CA10: variants seen among roughly 807,000 people sequenced by gnomAD.
The protein encoded by CA10 is carbonic anhydrase-related protein 10.
CA10 carries 14 observed loss-of-function variants against 44.2 expected under a neutral mutation model. The observed-to-expected ratio is 0.32, with a 90% confidence interval of 0.21 to 0.50. The LOEUF (loss-of-function observed/expected upper bound fraction) is 0.50, where lower values mean the gene tolerates loss of function less well. CA10 is among the 20% of genes least tolerant of loss of function. The pLI, the probability that CA10 is intolerant of heterozygous loss-of-function variation, is 0.99. For synonymous variants in CA10, 159 were observed against 141.6 expected, an observed-to-expected ratio of 1.12 and a Z score of -0.87; for missense variants, 350 against 409.7, an observed-to-expected ratio of 0.85 and a Z score of 1.26.
chr17:52,150,010 T>C (rs1303140941), intron 1 of CA10, among the ~76,000 whole-genome samples: 1 of 152,208 alleles, frequency 6.6e-6, no homozygotes, highest in Non-Finnish European at 1.5e-5. Context: ...TGAAATTATA[T>C]ACCTTAAATA....
chr17:51,833,076 G>C (rs1006022311), intron 3 of CA10, among the ~76,000 whole-genome samples: 1 of 152,190 alleles, frequency 6.6e-6, no homozygotes, highest in African/African-American at 2.4e-5. Flanking sequence ...TGAGAGGGGT[G>C]CTGAATTTAA....
rs71149387 is a variant in CA10 at position 51,961,188 on chromosome 17, AACACACACAC to A, written c.137-30066_137-30057del. 2.4e-3 allele frequency among the ~76,000 whole-genome samples: 353 copies of A among 145,102 alleles called. 2 individuals are homozygous for A. Among genetic ancestry groups the A allele is most frequent in the African/African-American group, 8.1e-3 (317 of 38,994 alleles). ...TACTCTCTCTCTGTATGTACACACA[AACACACACAC>A]ACACACACACACACACACACACACA... On this transcript the variant is annotated intron_variant, in intron 2 of 8. Coordinates refer to ENST00000451037, the MANE Select transcript of CA10 (RefSeq NM_020178.5).
chr17:51,667,106 A>C (rs944009514), intron 4 of CA10, among the ~76,000 whole-genome samples: 11 of 152,254 alleles, frequency 7.2e-5, no homozygotes, highest in African/African-American at 2.2e-4. Context: ...TTTGAAATGA[A>C]GCCAAATGCC....
intron 1 of CA10, among the ~76,000 whole-genome samples, chr17:52,109,239 A>T (rs998978136): frequency 6.6e-6 from 1 of 152,178 alleles, no homozygotes; most frequent in African/African-American, 2.4e-5. Flanking sequence ...CTATTTTCTG[A>T]TATTTAAAAT....
At chr17:51,880,909 TAG>T (rs906541937) in intron 3 of CA10, among the ~76,000 whole-genome samples, 61 of 151,884 alleles carry the variant, frequency 4.0e-4, no homozygotes, top group African/African-American at 1.4e-3. Context: ...TAGTGGTGAT[TAG>T]ACAATTTATT....
chr17:51,781,018 C>G (rs541360215), intron 3 of CA10, among the ~76,000 whole-genome samples: 1 of 152,150 alleles, frequency 6.6e-6, no homozygotes, highest in Non-Finnish European at 1.5e-5. Flanking sequence ...TTTGTTGACA[C>G]TCTCTTCTAA....
chr17:51,707,761 A>G (rs1176871244), intron 4 of CA10, among the ~76,000 whole-genome samples: 1 of 150,096 alleles, frequency 6.7e-6, no homozygotes, highest in Non-Finnish European at 1.5e-5. Flanking sequence ...AGACCTCATG[A>G]CCACATTTGA....
At chr17:51,666,706 A>ATCTG (rs59637621) in intron 4 of CA10, among the ~76,000 whole-genome samples, 97,479 of 151,528 alleles carry the variant, frequency 0.64, 31,622 homozygotes, top group Admixed American at 0.68. Context: ...TAATTTGAAT[A>ATCTG]TCTGAGTATT....
intron 2 of CA10, among the ~76,000 whole-genome samples, chr17:51,951,705 A>G (rs1983490314): frequency 6.6e-6 from 1 of 152,202 alleles, no homozygotes; most frequent in East Asian, 1.9e-4. Flanking sequence ...TATTTTTCAC[A>G]TGCCTGAGTT....
intron 3 of CA10, chr17:51,762,941 C>T (rs539549242): frequency 1.3e-5 from 2 of 152,340 alleles, no homozygotes; most frequent in East Asian, 3.9e-4. Flanking sequence ...GGCAAGCCCC[C>T]ACTCTTGGTG....
chr17:51,792,777 C>T (rs1906569941), intron 3 of CA10, among the ~76,000 whole-genome samples: 1 of 152,132 alleles, frequency 6.6e-6, no homozygotes. Flanking sequence ...TCTTGTTTAA[C>T]TCTTATGACA....
rs1484085698 is a variant in CA10 at position 51,795,091 on chromosome 17, T to C, written c.280-47273A>G. Among the ~76,000 whole-genome samples the C allele has an allele frequency of 3.3e-5, 5 of 152,346 alleles. No homozygotes were observed. The East Asian group carries it at 9.6e-4, about 29-fold the overall frequency. On this transcript the variant is annotated intron_variant, in intron 3 of 8. Coordinates refer to ENST00000451037, the MANE Select transcript of CA10 (RefSeq NM_020178.5). ...TTTCATTTACTGAAAAAGGCCAATG[T>C]GAAGCTTCATTGTGTGGGTGGGAGG...
At chr17:51,647,662 G>A (rs1469773738) in intron 6 of CA10, among the ~76,000 whole-genome samples, 2 of 151,968 alleles carry the variant, frequency 1.3e-5, no homozygotes, top group Non-Finnish European at 2.9e-5. Flanking sequence ...GCATTTTCAC[G>A]GTCTCTAAAT....
intron 1 of CA10, among the ~76,000 whole-genome samples, chr17:52,084,724 T>C (rs900027378): frequency 2.0e-5 from 3 of 152,172 alleles, no homozygotes; most frequent in Non-Finnish European, 4.4e-5. Context: ...GTGGCAAAAA[T>C]AGTGCTACTA....
chr17:51,745,877 A>C (rs12938385), intron 4 of CA10, among the ~76,000 whole-genome samples: 1 of 152,234 alleles, frequency 6.6e-6, no homozygotes, highest in African/African-American at 2.4e-5. Context: ...TCAACAGATA[A>C]AATAATTACA....
chr17:51,643,207 A>G (rs899866921), intron 6 of CA10, among the ~76,000 whole-genome samples: 1 of 152,038 alleles, frequency 6.6e-6, no homozygotes, highest in Non-Finnish European at 1.5e-5. Flanking sequence ...GCTTAATGAA[A>G]TTGGGTAGAT....
At chr17:52,018,105 G>T (rs1986025411) in intron 2 of CA10, among the ~76,000 whole-genome samples, 1 of 152,126 alleles carries the variant, frequency 6.6e-6, no homozygotes, top group African/African-American at 2.4e-5. Context: ...GGAAAGCCTG[G>T]GTACTCAGAC....
chr17:52,041,493 GATGATTTGAT>G (rs1986767999), intron 2 of CA10, among the ~76,000 whole-genome samples: 2 of 152,056 alleles, frequency 1.3e-5, no homozygotes, highest in South Asian at 4.1e-4. Context: ...CACACAACAT[GATGATTTGAT>G]ACAGGTGTAC....
intron 2 of CA10, among the ~76,000 whole-genome samples, chr17:52,050,740 C>T (rs1179772030): frequency 6.6e-6 from 1 of 152,078 alleles, no homozygotes; most frequent in African/African-American, 2.4e-5. Context: ...ACAAATTCTA[C>T]TTAACCTTCA....
Sources: allele counts gnomAD v4.1 joint callset (sites outside exome capture counted in the v4.1 genomes callset), GRCh38; gene constraint gnomAD v4.1.1; transcripts MANE v1.5; gene names NCBI Gene and HGNC (gene_info 2026-07-23, HGNC 2026-07-21).